Variants in DCC observed in about 807,000 individuals in gnomAD.
DCC encodes the protein netrin receptor DCC.
DCC carries 58 observed loss-of-function variants against 172.5 expected under a neutral mutation model. The observed-to-expected ratio is 0.34, with a 90% CI of 0.27 to 0.42. DCC has a LOEUF of 0.42. Ranked by LOEUF, DCC falls within the 10% of genes least tolerant of loss-of-function variation. DCC has a pLI of 1.00. For synonymous variants in DCC, 709 were observed against 644.5 expected, an observed-to-expected ratio of 1.10 and a Z score of -1.52; for missense variants, 1,740 against 1,791.0, an observed-to-expected ratio of 0.97 and a Z score of 0.51.
chr18:53,076,733 A>T (rs2042729844), intron 7 of DCC, among the ~76,000 whole-genome samples: 1 of 152,190 alleles, frequency 6.6e-6, no homozygotes, highest in South Asian at 2.1e-4. Context: ...ATGAATTTCT[A>T]ACCTTTTCAG....
intron 5 of DCC, among the ~76,000 whole-genome samples, chr18:52,967,793 A>G (rs918375336): frequency 1.3e-5 from 2 of 152,210 alleles, no homozygotes; most frequent in African/African-American, 4.8e-5. Context: ...TGTAACCCGT[A>G]TGTAACAATA....
chr18:52,579,517 A>G (rs143972369), intron 1 of DCC, among the ~76,000 whole-genome samples: 241 of 152,268 alleles, frequency 1.6e-3, no homozygotes, highest in African/African-American at 5.5e-3. Context: ...TTTATTGTGT[A>G]GTTTATAAGT....
chr18:52,608,823 G>A (rs1056214408), intron 1 of DCC, among the ~76,000 whole-genome samples: 1 of 152,160 alleles, frequency 6.6e-6, no homozygotes, highest in Non-Finnish European at 1.5e-5. Flanking sequence ...AACTAGGAGA[G>A]TGGGATGTAA....
intron 12 of DCC, among the ~76,000 whole-genome samples, chr18:53,233,134 A>G (rs1453281177): frequency 1.3e-5 from 2 of 152,232 alleles, no homozygotes; most frequent in South Asian, 4.1e-4. Flanking sequence ...AATCAGTGCT[A>G]TGGGAGAAAA....
intron 5 of DCC, among the ~76,000 whole-genome samples, chr18:52,959,141 G>A (rs1428494407): frequency 1.3e-5 from 2 of 152,022 alleles, no homozygotes; most frequent in Non-Finnish European, 2.9e-5. Context: ...AACATTTCAG[G>A]GGGGTGAGGG....
chr18:52,451,676 G>A (rs529879654), intron 1 of DCC, among the ~76,000 whole-genome samples: 6 of 151,982 alleles, frequency 3.9e-5, no homozygotes, highest in South Asian at 2.1e-4. Flanking sequence ...GTGTGTGGGC[G>A]TGTGTGTGTA....
chr18:52,862,180 C>T (rs1251397239), intron 2 of DCC, among the ~76,000 whole-genome samples: 1 of 152,046 alleles, frequency 6.6e-6, no homozygotes, highest in Non-Finnish European at 1.5e-5. Context: ...ACCAGATAAA[C>T]CTCGTATGTT....
intron 8 of DCC, among the ~76,000 whole-genome samples, chr18:53,158,988 C>CAAAA (rs558049091): frequency 1.3e-4 from 7 of 52,344 alleles, no homozygotes; most frequent in African/African-American, 2.4e-4. Flanking sequence ...GACGCCATCT[C>CAAAA]AAAAAAAAAA....
At chr18:53,294,020 C>T (rs1302384948) in intron 12 of DCC, among the ~76,000 whole-genome samples, 1 of 152,014 alleles carries the variant, frequency 6.6e-6, no homozygotes, top group Admixed American at 6.6e-5. Context: ...TACAATGAAG[C>T]GGGTTGGGTA....
Position 53,072,158 on chromosome 18 carries a change from T to G in DCC, c.1261+5992T>G, listed in dbSNP as rs78239464. Among the ~76,000 whole-genome samples the G allele has an allele frequency of 2.7e-3, 407 of 152,218 alleles. 1 individual carries two copies. The highest frequency in any genetic ancestry group is 3.7e-3 in the Non-Finnish European group (254 of 68,008). ...AGAAAAAAAAAGAGTCAATGTGTTC[T>G]GTGTTACAAGAATAAGAAGTTTCAG... is the stretch of plus-strand genomic sequence containing the variant. On this transcript the variant is annotated intron_variant, in intron 7 of 28. Transcript: ENST00000442544.
chr18:52,978,686 C>T (rs753911025), intron 5 of DCC, among the ~76,000 whole-genome samples: 4 of 152,128 alleles, frequency 2.6e-5, no homozygotes, highest in Non-Finnish European at 5.9e-5. Flanking sequence ...TAATGACCTG[C>T]GAAATGCCTG....
At position 53,359,638 on chromosome 18, in the gene DCC, T is replaced by C. The variant is rs554152568; in HGVS notation, c.2359+19731T>C. ...TTATTGTTAAATGCCTCTTCCCCTC[T>C]TCACAATGTCTGCTCTAAAGAATGA... On this transcript the variant is annotated intron_variant, in intron 15 of 28. Transcript: ENST00000442544. 2.0e-5 allele frequency among the ~76,000 whole-genome samples: 3 copies of C among 152,294 alleles called. No homozygotes were observed. The East Asian group carries it at 5.8e-4, about 29-fold the overall frequency.
At chr18:53,090,028 G>T (rs541907784) in intron 7 of DCC, among the ~76,000 whole-genome samples, 1 of 151,922 alleles carries the variant, frequency 6.6e-6, no homozygotes, top group Non-Finnish European at 1.5e-5. Flanking sequence ...CACTCCCCTC[G>T]CTATTTGGCA....
intron 5 of DCC, among the ~76,000 whole-genome samples, chr18:53,050,723 G>A (rs556812993): frequency 6.6e-6 from 1 of 152,042 alleles, no homozygotes; most frequent in Non-Finnish European, 1.5e-5. Flanking sequence ...TCCACAAATA[G>A]GGACAGCTTG....
At chr18:53,088,496 A>G (rs112992568) in intron 7 of DCC, among the ~76,000 whole-genome samples, 2 of 152,088 alleles carry the variant, frequency 1.3e-5, no homozygotes, top group African/African-American at 4.8e-5. Flanking sequence ...GCTTAAGGAG[A>G]TTTGGGGCTG....
chr18:52,851,241 A>T (rs923210680), intron 2 of DCC, among the ~76,000 whole-genome samples: 2 of 152,050 alleles, frequency 1.3e-5, no homozygotes, highest in Non-Finnish European at 2.9e-5. Flanking sequence ...CTATTTTTGT[A>T]TCTCATTCAT....
chr18:53,530,778 G>A lies in DCC; in HGVS notation c.*125G>A. 1.4e-6 allele frequency: 1 copy of A among 737,614 alleles called. No individual in the cohort carries two copies. The highest frequency in any genetic ancestry group is 2.5e-6 in the Non-Finnish European group (1 of 399,164). The allele number at this position is 737,614 out of a possible 1,614,324, so 45.7% of individuals were successfully genotyped here. A position where few individuals can be genotyped will look rare whatever the true frequency, so the allele number is the denominator to read the frequency against. On this transcript the variant is annotated 3_prime_UTR_variant, in exon 29 of 29. Transcript: ENST00000442544. ...ACAGGTCACCCATCAGGACCACTCA[G>A]TTAAGGAAGATCCTGAAGCAGTTCA...
chr18:52,658,140 A>C (rs1371261290), intron 1 of DCC, among the ~76,000 whole-genome samples: 1 of 152,212 alleles, frequency 6.6e-6, no homozygotes, highest in Non-Finnish European at 1.5e-5. Flanking sequence ...ATCTATCACA[A>C]ATGAAGGGAA....
chr18:53,473,658 A>T (rs886451662), intron 25 of DCC, among the ~76,000 whole-genome samples: 5 of 152,184 alleles, frequency 3.3e-5, no homozygotes, highest in Non-Finnish European at 5.9e-5. Flanking sequence ...GATTATCCTG[A>T]TTTTACACAT....
Sources: allele counts gnomAD v4.1 joint callset (sites outside exome capture counted in the v4.1 genomes callset), GRCh38; gene constraint gnomAD v4.1.1; transcripts MANE v1.5; gene names NCBI Gene and HGNC (gene_info 2026-07-23, HGNC 2026-07-21).